BTBD18: variants seen among roughly 807,000 people sequenced by gnomAD.
BTBD18 encodes the protein BTB/POZ domain-containing protein 18.
For synonymous variants in BTBD18, 311 were observed against 324.4 expected (o/e 0.96, Z 0.44); for missense variants, 787 against 846.3 (o/e 0.93, Z 0.87).
At chr11:57,750,265 T>C (rs1490161553) in intron 2 of BTBD18, among the ~76,000 whole-genome samples, 2 of 152,044 alleles carry the variant, frequency 1.3e-5, no homozygotes, top group African/African-American at 2.4e-5. Context: ...TAGTCCCAGC[T>C]ACTCGGGAGG....
In BTBD18 at chr11:57,743,930, T is replaced by C; in HGVS notation, c.*204A>G. 2 of 523,590 alleles carry C rather than the reference T, an allele frequency of 3.8e-6. No individual in the cohort carries two copies. The highest frequency in any genetic ancestry group is 5.8e-5 in the South Asian group (2 of 34,420). 32.4% of individuals were successfully genotyped at this position (523,590 alleles called of 1,614,324 possible). A position where few individuals can be genotyped will look rare whatever the true frequency, so the allele number is the denominator to read the frequency against. ...GGAAAATAGATTACAAATAAGATGGTACAAGTTCATAATTTTCTATCTATG... is the reference window on the plus strand; with the variant it reads ...GGAAAATAGATTACAAATAAGATGGCACAAGTTCATAATTTTCTATCTATG... On this transcript the variant is annotated 3_prime_UTR_variant, in exon 3 of 3. Transcript: ENST00000422652.
chr11:57,746,222 C>T (rs1254931382), intron 2 of BTBD18, 74 bp from the exon 3 acceptor site: 1 of 1,145,250 alleles, frequency 8.7e-7, no homozygotes, highest in Non-Finnish European at 1.2e-6. Flanking sequence ...ACATTACTAC[C>T]CAAATGTACT....
At chr11:57,750,544 A>C (rs1949286316) in intron 2 of BTBD18, among the ~76,000 whole-genome samples, 1 of 152,144 alleles carries the variant, frequency 6.6e-6, no homozygotes, top group Non-Finnish European at 1.5e-5. Flanking sequence ...AAAAATACAA[A>C]AGTTAGCTGG....
upstream of BTBD18, among the ~76,000 whole-genome samples, chr11:57,753,023 G>C (rs1431862953): frequency 1.3e-5 from 2 of 152,268 alleles, no homozygotes; most frequent in African/African-American, 4.8e-5. Flanking sequence ...GGCAGCCCCT[G>C]GCGCCCTTGT....
intron 2 of BTBD18, among the ~76,000 whole-genome samples, chr11:57,748,925 G>T (rs952073163): frequency 6.6e-6 from 1 of 152,082 alleles, no homozygotes; most frequent in African/African-American, 2.4e-5. Context: ...TTTCCTCTCT[G>T]GTCAATACAT....
Position 57,745,701 on chromosome 11 carries a change from T to G in BTBD18, c.572A>C (p.Gln191Pro). The change falls in exon 3 of 3, where the codon CAG (glutamine) becomes CCG (proline). Residue 191 changes from glutamine to proline, a missense_variant. Transcript: ENST00000422652. ...GTCTGCATTCTGTCGGTTGTTTTCC[T>G]GGGGCCCCTCTTCCTTCCCCAAGGA... is the stretch of plus-strand genomic sequence containing the variant. The part of the protein sequence containing the change: ...LKSLGKEEGP[Q>P]ENNRQNADNL... The G allele has an allele frequency of 1.3e-6, 2 of 1,551,682 alleles. No homozygotes were observed. Among genetic ancestry groups the G allele is most frequent in the Non-Finnish European group, 8.7e-7 (1 of 1,146,984 alleles).
chr11:57,752,107 A>C (rs1442412109), upstream of BTBD18, among the ~76,000 whole-genome samples: 2 of 152,218 alleles, frequency 1.3e-5, no homozygotes, highest in Non-Finnish European at 2.9e-5. Context: ...CCAGCTTTTT[A>C]GCTCCGAAAC....
rs183317187 is a variant in BTBD18 at position 57,750,099 on chromosome 11, C to T, written c.124+966G>A. ...TGAAGATTAAATAAATTAAGCAGGC[C>T]GGGCAACGTGGCTCACGCCTGTAAT... On this transcript the variant is annotated intron_variant, in intron 2 of 2. Transcript: ENST00000422652. Among the ~76,000 whole-genome samples, 11 of 152,268 alleles carry T rather than the reference C, an allele frequency of 7.2e-5. No homozygotes were observed. The East Asian group carries it at 7.7e-4, about 11-fold the overall frequency.
At position 57,749,688 on chromosome 11, in the gene BTBD18, A is replaced by G. The variant is rs1949263372; in HGVS notation, c.124+1377T>C. On this transcript the variant is annotated intron_variant, in intron 2 of 2. Coordinates refer to ENST00000422652, the MANE Select transcript of BTBD18 (RefSeq NM_001145101.3). ...TCGCTTGAACCCAGAAGGCGGAGAC[A>G]GCAGTGAGCTGAGACCGCGCAATTG... Among the ~76,000 whole-genome samples, 4 of 148,534 alleles carry G rather than the reference A, an allele frequency of 2.7e-5. No homozygotes were observed. In the South Asian group the frequency reaches 8.8e-4, roughly 33 times the overall value.
Position 57,743,915 on chromosome 11 carries a change from T to G in BTBD18, c.*219A>C. 1 of 473,000 alleles carries G rather than the reference T, an allele frequency of 2.1e-6. No homozygotes were observed. The highest frequency in any genetic ancestry group is 3.8e-6 in the Non-Finnish European group (1 of 266,518). 29.3% of individuals were successfully genotyped at this position (473,000 alleles called of 1,614,324 possible). Reference sequence around the variant, plus strand: ...CAGTTGTCACTAACCGGAAAATAGATTACAAATAAGATGGTACAAGTTCAT... The same window carrying G: ...CAGTTGTCACTAACCGGAAAATAGAGTACAAATAAGATGGTACAAGTTCAT... On this transcript the variant is annotated 3_prime_UTR_variant, in exon 3 of 3. Transcript: ENST00000422652.
rs759292312 is a variant in BTBD18, at chr11:57,745,081, C to T, written c.1192G>A (p.Gly398Arg). ...TCATTACTGGAGAATGGCTGAGTTC[C>T]TGAAGGCTCTTGGAAGTCTCCTCCG... ...DPGGDFQEPS[G>R]TQPFSSNEQE... Residue 398 changes from glycine (G) to arginine (R), a missense_variant, in exon 3 of 3, where the codon GGA becomes AGA. Physicochemically the swap from Gly to Arg is moderately radical, Grantham distance 125. Transcript: ENST00000422652. 6.4e-7 allele frequency: 1 copy of T among 1,551,700 alleles called. No individual in the cohort carries two copies.
In BTBD18 at chr11:57,751,164, T is replaced by C. The variant is rs1949298530; in HGVS notation, c.25A>G (p.Ile9Val). The C allele has an allele frequency of 2.6e-6, 4 of 1,545,766 alleles. No individual in the cohort carries two copies. The highest frequency in any genetic ancestry group is 3.5e-6 in the Non-Finnish European group (4 of 1,145,062). The change falls in exon 2 of 3, where the codon ATC becomes GTC. Residue 9 changes from isoleucine (I) to valine (V), a missense_variant. Physicochemically the swap from Ile to Val is conservative, Grantham distance 29. Transcript: ENST00000422652. ...AGGAACCGGGGGTTCCTGTATAGGATTTTGGGACTGGCAGGAGAGCACATG... is the reference window on the plus strand; with the variant it reads ...AGGAACCGGGGGTTCCTGTATAGGACTTTGGGACTGGCAGGAGAGCACATG... MCSPASPKILYRNPRFLRL... is the reference protein window; with the variant it reads MCSPASPKVLYRNPRFLRL...
rs1949165371 is a variant in BTBD18 at position 57,745,169 on chromosome 11, G to A, written c.1104C>T (p.Cys368=). Residue 368 remains cysteine (C), a synonymous_variant, in exon 3 of 3, where the codon TGC becomes TGT. Transcript: ENST00000422652. The part of the protein sequence containing the change: ...VKLRKIVNGT[C]WEVVQETPLK... ...GAGGAGTCTCTTGTACCACTTCCCA[G>A]CAAGTCCCATTGACAATCTTCCTAA... is the stretch of plus-strand genomic sequence containing the variant. 1 of 1,551,652 alleles carries A rather than the reference G, an allele frequency of 6.4e-7. No homozygotes were observed. Among genetic ancestry groups the A allele is most frequent in the Non-Finnish European group, 8.7e-7 (1 of 1,146,996 alleles).
In BTBD18 at chr11:57,745,854, T is replaced by G. The variant is rs1411492573; in HGVS notation, c.419A>C (p.Asn140Thr). 2 of 1,551,676 alleles carry G rather than the reference T, an allele frequency of 1.3e-6. No individual in the cohort carries two copies. The highest frequency in any genetic ancestry group is 2.4e-5 in the East Asian group (1 of 40,918). Residue 140 changes from asparagine (N) to threonine (T), a missense_variant, in exon 3 of 3, where the codon AAC becomes ACC. Asn to Thr is a moderately conservative substitution (Grantham distance 65, BLOSUM62 0). Transcript: ENST00000422652. ...ACTTGTTGGTTGTAAGCACTCTCGG[T>G]TCAGCCTTCGGCCCTGTGGGGCCTT... is the stretch of plus-strand genomic sequence containing the variant. ...LVKAPQGRRL[N>T]RECLQPTSAA...
At chr11:57,749,561 C>T (rs1477964095) in intron 2 of BTBD18, among the ~76,000 whole-genome samples, 4 of 151,910 alleles carry the variant, frequency 2.6e-5, no homozygotes, top group Admixed American at 2.0e-4. Flanking sequence ...CCAGCCTGGC[C>T]AACATGGTGA....
chr11:57,744,133 A>G lies in BTBD18; in HGVS notation c.*1T>C. The G allele has an allele frequency of 6.6e-7, 1 of 1,520,874 alleles. No individual in the cohort carries two copies. The highest frequency in any genetic ancestry group is 8.9e-7 in the Non-Finnish European group (1 of 1,124,108). 94.2% of individuals were successfully genotyped at this position (1,520,874 alleles called of 1,614,324 possible). On this transcript the variant is annotated 3_prime_UTR_variant, in exon 3 of 3. Coordinates refer to ENST00000422652, the MANE Select transcript of BTBD18 (RefSeq NM_001145101.3). ...GCCCCTAACCTGCCCTCCCCTCTCCACTATGTTAGTATATCTACCTCTGTT... is the reference window on the plus strand; with the variant it reads ...GCCCCTAACCTGCCCTCCCCTCTCCGCTATGTTAGTATATCTACCTCTGTT...
Position 57,744,987 on chromosome 11 carries a change from A to G in BTBD18, c.1286T>C (p.Ile429Thr). 1 of 1,551,648 alleles carries G rather than the reference A, an allele frequency of 6.4e-7. No homozygotes were observed. The highest frequency in any genetic ancestry group is 1.2e-5 in the South Asian group (1 of 84,036). The change falls in exon 3 of 3, where the codon ATT becomes ACT. Residue 429 changes from isoleucine to threonine, a missense_variant. Coordinates refer to ENST00000422652, the MANE Select transcript of BTBD18 (RefSeq NM_001145101.3). ...TGGGGAGTGGCTAGCAGAGACCAGA[A>G]TGTCTTGTAGCTTAGTGCACATGGG... ...DSPMCTKLQD[I>T]LVSASHSPDH...
At position 57,745,793 on chromosome 11, in the gene BTBD18, G is replaced by T; in HGVS notation, c.480C>A (p.Ser160Arg). Residue 160 changes from serine to arginine, a missense_variant, in exon 3 of 3, where the codon AGC becomes AGA. By Grantham distance (110) the Ser-to-Arg change is moderately radical. Coordinates refer to ENST00000422652, the MANE Select transcript of BTBD18 (RefSeq NM_001145101.3). Reference sequence around the variant, plus strand: ...TGGGCAGTGGGGTGTGAGGGTGGTGGCTGGGTGTCACCACTCTGGCAGAGA... The same window carrying T: ...TGGGCAGTGGGGTGTGAGGGTGGTGTCTGGGTGTCACCACTCTGGCAGAGA... The part of the protein sequence containing the change: ...APISARVVTP[S>R]HHPHTPLPTN... The T allele has an allele frequency of 1.3e-6, 2 of 1,551,570 alleles. No homozygotes were observed. The highest frequency in any genetic ancestry group is 2.7e-5 in the African/African-American group (2 of 73,150).
chr11:57,744,323 A>C lies in BTBD18; in HGVS notation c.1950T>G (p.Pro650=). The part of the protein sequence containing the change: ...VSLTTDELLY[P]SPKAGKEVSG... ...ATACCTCCTTGCCTGCCTTGGGAGA[A>C]GGGTATAATAACTCATCTGTAGTCA... The change falls in exon 3 of 3, where the codon CCT becomes CCG. Residue 650 remains proline, a synonymous_variant. Coordinates refer to ENST00000422652, the MANE Select transcript of BTBD18 (RefSeq NM_001145101.3). 3.2e-6 allele frequency: 5 copies of C among 1,551,604 alleles called. No individual in the cohort carries two copies. In the East Asian group the frequency reaches 1.2e-4, roughly 38 times the overall value.
Sources: allele counts gnomAD v4.1 joint callset (sites outside exome capture counted in the v4.1 genomes callset), GRCh38; gene constraint gnomAD v4.1.1; transcripts MANE v1.5; gene names NCBI Gene and HGNC (gene_info 2026-07-23, HGNC 2026-07-21).